Variants in ARHGAP42 observed in about 807,000 individuals in gnomAD.
ARHGAP42 encodes rho GTPase-activating protein 42.
In ARHGAP42, 63 loss-of-function variants were observed where a neutral mutation model predicts 125.0. That is an observed-to-expected ratio of 0.50 (90% CI 0.41 to 0.62). The LOEUF (loss-of-function observed/expected upper bound fraction) is 0.62, where lower values mean the gene tolerates loss of function less well. Ranked by LOEUF, ARHGAP42 falls within the 20% of genes least tolerant of loss-of-function variation. The pLI is 0.00. For missense variants in ARHGAP42, 766 were observed against 1,024.2 expected, an observed-to-expected ratio of 0.75 and a Z score of 3.44; for synonymous variants, 339 against 351.0, an observed-to-expected ratio of 0.97 and a Z score of 0.38.
At chr11:100,962,269 T>C in intron 15 of ARHGAP42, 140 bp from the exon 16 acceptor site, 3 of 715,492 alleles carry the variant, frequency 4.2e-6, no homozygotes, top group Non-Finnish European at 6.6e-6. Flanking sequence ...AATCACCCAA[T>C]TCTTTTATTT....
chr11:100,900,579 C>G (rs902678419), intron 4 of ARHGAP42, among the ~76,000 whole-genome samples: 1 of 152,092 alleles, frequency 6.6e-6, no homozygotes, highest in Non-Finnish European at 1.5e-5. Context: ...TCACATGGTC[C>G]CATATTTCTT....
chr11:100,808,510 A>G (rs897203400), intron 3 of ARHGAP42, among the ~76,000 whole-genome samples: 1 of 144,082 alleles, frequency 6.9e-6, no homozygotes, highest in Non-Finnish European at 1.5e-5. Context: ...GGTTCACGCC[A>G]TTCTCCTGCC....
chr11:100,801,099 A>G (rs992222467), intron 3 of ARHGAP42, among the ~76,000 whole-genome samples: 6 of 152,190 alleles, frequency 3.9e-5, no homozygotes, highest in Non-Finnish European at 7.3e-5. Context: ...TTTGAACATT[A>G]TGTCTGTACT....
chr11:100,935,521 C>G (rs959021446), intron 7 of ARHGAP42, among the ~76,000 whole-genome samples: 57 of 152,000 alleles, frequency 3.8e-4, no homozygotes, highest in African/African-American at 1.4e-3. Context: ...TCAAAAGAAA[C>G]TAAGTCCCTA....
chr11:100,957,326 T>A (rs540961), intron 12 of ARHGAP42, among the ~76,000 whole-genome samples: 134,148 of 152,072 alleles, frequency 0.88, 59,259 homozygotes, highest in East Asian at 1. Flanking sequence ...AAACCTAGCA[T>A]TGAATTCGTC....
intron 2 of ARHGAP42, among the ~76,000 whole-genome samples, chr11:100,773,997 G>A (rs1255821791): frequency 2.0e-5 from 3 of 152,112 alleles, no homozygotes; most frequent in African/African-American, 7.2e-5. Flanking sequence ...AAAACTTAGA[G>A]CAAAATGACT....
At chr11:100,792,065 A>G (rs367943725) in intron 2 of ARHGAP42, among the ~76,000 whole-genome samples, 63 of 152,312 alleles carry the variant, frequency 4.1e-4, no homozygotes, top group African/African-American at 1.5e-3. Flanking sequence ...AGCTGTTCTC[A>G]GAGGCAATAC....
chr11:100,963,636 T>G (rs1858014115), intron 16 of ARHGAP42, among the ~76,000 whole-genome samples: 1 of 152,206 alleles, frequency 6.6e-6, no homozygotes, highest in African/African-American at 2.4e-5. Flanking sequence ...AAATCTACAC[T>G]ATTTAGTTTT....
Position 100,713,595 on chromosome 11 carries a change from G to A in ARHGAP42, c.154+25763G>A, listed in dbSNP as rs114069265. On this transcript the variant is annotated intron_variant, in intron 1 of 23. Coordinates refer to ENST00000298815, the MANE Select transcript of ARHGAP42 (RefSeq NM_152432.4). ...TAATGTGGATTAAGCATCATGCTAGGGAGGGACATACTTAAGCTAAAATAA... is the reference window on the plus strand; with the variant it reads ...TAATGTGGATTAAGCATCATGCTAGAGAGGGACATACTTAAGCTAAAATAA... Among the ~76,000 whole-genome samples, 363 of 152,168 alleles carry A rather than the reference G, an allele frequency of 2.4e-3. 1 individual carries two copies. Among genetic ancestry groups the A allele is most frequent in the African/African-American group, 8.4e-3 (349 of 41,496 alleles).
At chr11:100,808,687 G>A (rs971150831) in intron 3 of ARHGAP42, among the ~76,000 whole-genome samples, 1 of 151,308 alleles carries the variant, frequency 6.6e-6, no homozygotes, top group South Asian at 2.1e-4. Flanking sequence ...TTACAGGCGT[G>A]AGCCACCGCG....
intron 4 of ARHGAP42, among the ~76,000 whole-genome samples, chr11:100,901,058 C>T (rs1391359393): frequency 6.6e-6 from 1 of 152,080 alleles, no homozygotes; most frequent in Non-Finnish European, 1.5e-5. Flanking sequence ...TGTTGGTGAC[C>T]TACAGATGGG....
intron 15 of ARHGAP42, 66 bp from the exon 16 acceptor site, chr11:100,962,343 A>C: frequency 7.8e-7 from 1 of 1,281,586 alleles, no homozygotes; most frequent in Non-Finnish European, 1.1e-6. Context: ...TTAAAGAAAC[A>C]CTTAACGTTT....
chr11:100,985,369 A>G (rs1207916982), intron 22 of ARHGAP42, among the ~76,000 whole-genome samples: 1 of 152,124 alleles, frequency 6.6e-6, no homozygotes, highest in Non-Finnish European at 1.5e-5. Context: ...TTGGAAAAAT[A>G]TTTCCTTTTT....
rs149287809 is a variant in ARHGAP42, at chr11:100,821,677, C to A, written c.312+26511C>A. On this transcript the variant is annotated intron_variant, in intron 3 of 23. Coordinates refer to ENST00000298815, the MANE Select transcript of ARHGAP42 (RefSeq NM_152432.4). ...AACCAAGAAAGCAGCAGACATCTTT[C>A]CTTCCTCTTATTGCCACCTTTTAAC... Among the ~76,000 whole-genome samples, 40 of 151,752 alleles carry A rather than the reference C, an allele frequency of 2.6e-4. No individual in the cohort carries two copies. In the East Asian group the frequency reaches 7.7e-3, roughly 29 times the overall value.
intron 1 of ARHGAP42, among the ~76,000 whole-genome samples, chr11:100,735,670 G>A (rs540160590): frequency 2.0e-4 from 29 of 141,470 alleles, no homozygotes; most frequent in East Asian, 1.0e-3. Flanking sequence ...GTGCAATGGC[G>A]TGATCTAGGC....
At chr11:100,902,995 T>C (rs1021948625) in intron 4 of ARHGAP42, among the ~76,000 whole-genome samples, 2 of 152,176 alleles carry the variant, frequency 1.3e-5, no homozygotes, top group East Asian at 1.9e-4. Flanking sequence ...AGATGTGCCA[T>C]AGAGGTAGAG....
At chr11:100,871,709 G>GA (rs1565251946) in intron 4 of ARHGAP42, among the ~76,000 whole-genome samples, 2 of 152,122 alleles carry the variant, frequency 1.3e-5, no homozygotes, top group Non-Finnish European at 2.9e-5. Flanking sequence ...AATCTACCAG[G>GA]AAGTGTCAGC....
chr11:100,801,467 C>T (rs760301803), intron 3 of ARHGAP42, among the ~76,000 whole-genome samples: 10 of 152,074 alleles, frequency 6.6e-5, no homozygotes, highest in Non-Finnish European at 1.5e-4. Context: ...GGAAGATTTA[C>T]CATATTTAGG....
At chr11:100,955,950 A>G (rs1046821195) in intron 12 of ARHGAP42, among the ~76,000 whole-genome samples, 1 of 152,074 alleles carries the variant, frequency 6.6e-6, no homozygotes, top group African/African-American at 2.4e-5. Context: ...TTTGCCACTG[A>G]CTTCCCTCAG....
Sources: gnomAD v4.1 joint callset for allele counts (sites outside exome capture counted in the v4.1 genomes callset) on GRCh38, gnomAD v4.1.1 for gene constraint, MANE v1.5 for transcripts, NCBI Gene and HGNC (gene_info 2026-07-23, HGNC 2026-07-21) for gene names.